ANK3: variants seen among roughly 807,000 people sequenced by gnomAD.
ANK3 encodes the protein ankyrin 3, also known as ankyrin-3.
Under a neutral mutation model 370.9 loss-of-function variants are expected in ANK3, and 57 were observed. The ratio of observed to expected loss-of-function variants is 0.15; its 90% CI spans 0.12 to 0.19. The LOEUF is 0.19. Among genes scored for constraint, ANK3 ranks in the 10% least tolerant of loss-of-function variants. ANK3 has a pLI of 1.00. For missense variants in ANK3, 4,439 were observed against 5,302.1 expected, an observed-to-expected ratio of 0.84 and a Z score of 5.06; for synonymous variants, 1,929 against 1,946.3, an observed-to-expected ratio of 0.99 and a Z score of 0.23.
chr10:60,212,930 T>C (rs1009021540), intron 9 of ANK3, among the ~76,000 whole-genome samples: 2 of 152,156 alleles, frequency 1.3e-5, no homozygotes, highest in African/African-American at 2.4e-5. Flanking sequence ...CATCATGTGT[T>C]CCTTTCAGCT....
intron 2 of ANK3, among the ~76,000 whole-genome samples, chr10:60,416,990 G>C (rs1201151542): frequency 6.6e-6 from 1 of 152,176 alleles, no homozygotes; most frequent in Non-Finnish European, 1.5e-5. Context: ...AAGACTTGGA[G>C]AATGAGTCTA....
At chr10:60,296,248 A>G (rs1400143236) in intron 1 of ANK3, among the ~76,000 whole-genome samples, 1 of 152,246 alleles carries the variant, frequency 6.6e-6, no homozygotes, top group Non-Finnish European at 1.5e-5. Flanking sequence ...TCCCCAGTGG[A>G]TGACACTGTC....
intron 7 of ANK3, 110 bp from the exon 8 acceptor site, chr10:60,234,896 T>TC: frequency 1.4e-6 from 1 of 691,708 alleles, no homozygotes; most frequent in Non-Finnish European, 2.6e-6. Context: ...TTTCTAAACA[T>TC]CCTTTATGAA....
rs1017637619 is a variant in ANK3 at position 60,514,219 on chromosome 10, G to A, written c.96+100967C>T. On this transcript the variant is annotated intron_variant, in intron 2 of 43. Coordinates refer to the ANK3 transcript ENST00000373827. ...TCAACAGTAGGCTATTAGTAGTTAA[G>A]TTTTGGGGAAGTCAAATTATACACA... Among the ~76,000 whole-genome samples the A allele has an allele frequency of 2.0e-5, 3 of 152,256 alleles. No homozygotes were observed. The East Asian group carries it at 5.8e-4, about 29-fold the overall frequency.
In ANK3 at chr10:60,086,829, A is replaced by G. The variant is rs2086795060; in HGVS notation, c.3596T>C (p.Phe1199Ser). Residue 1199 changes from phenylalanine (F) to serine (S), a missense_variant, in exon 30 of 44, where the codon TTT (phenylalanine) becomes TCT (serine). Physicochemically the swap from Phe to Ser is radical, Grantham distance 155 (BLOSUM62 -2). This residue lies in a region of ANK3 where 702 missense variants were observed against 941.5 expected (regional missense o/e 0.75). Coordinates refer to ENST00000280772, the MANE Select transcript of ANK3 (RefSeq NM_020987.5). ...VKKILGNKAT[F>S]SPIVTVEPRR... Reference sequence around the variant, plus strand: ...TGGTTCCACAGTGACAATTGGGCTAAAAGTTGCTTTGTTTCCAAGGATCTT... The same window carrying G: ...TGGTTCCACAGTGACAATTGGGCTAGAAGTTGCTTTGTTTCCAAGGATCTT... 1 of 1,613,752 alleles carries G rather than the reference A, an allele frequency of 6.2e-7. No individual in the cohort carries two copies. The highest frequency in any genetic ancestry group is 1.3e-5 in the African/African-American group (1 of 74,812).
At chr10:60,454,784 A>G (rs1444534526) in intron 2 of ANK3, among the ~76,000 whole-genome samples, 5 of 152,162 alleles carry the variant, frequency 3.3e-5, no homozygotes, top group Admixed American at 1.3e-4. Flanking sequence ...TGAAGCGCTA[A>G]TTGAATGGGT....
intron 9 of ANK3, 76 bp downstream of exon 9, chr10:60,213,336 T>C: frequency 1.0e-6 from 1 of 967,256 alleles, no homozygotes. Flanking sequence ...TCATTTTCTA[T>C]GTGATTCAAA....
intron 40 of ANK3, chr10:60,062,795 T>C (rs1265462292): frequency 1.6e-5 from 3 of 185,748 alleles, no homozygotes; most frequent in African/African-American, 7.1e-5. Context: ...AGGGTTAATA[T>C]AAAAATTAAA....
chr10:60,425,897 A>G (rs917082281), intron 2 of ANK3, among the ~76,000 whole-genome samples: 1 of 152,040 alleles, frequency 6.6e-6, no homozygotes, highest in African/African-American at 2.4e-5. Context: ...GCCAATTACC[A>G]CGGGACCTTG....
chr10:60,400,194 G>A (rs2063326895), intron 2 of ANK3, among the ~76,000 whole-genome samples: 1 of 152,126 alleles, frequency 6.6e-6, no homozygotes, highest in South Asian at 2.1e-4. Context: ...TCTTCAGTCA[G>A]ACTGGTGAGA....
At chr10:60,410,156 T>C (rs1168716083) in intron 2 of ANK3, among the ~76,000 whole-genome samples, 1 of 152,102 alleles carries the variant, frequency 6.6e-6, no homozygotes, top group Non-Finnish European at 1.5e-5. Context: ...AGGCCAGGTG[T>C]GGTGGCTCAT....
chr10:60,574,080 G>A (rs1009111392), intron 2 of ANK3, among the ~76,000 whole-genome samples: 1 of 152,156 alleles, frequency 6.6e-6, no homozygotes, highest in Non-Finnish European at 1.5e-5. Context: ...TTGAGGACAT[G>A]ACGCTAAAAT....
At chr10:60,411,590 C>G (rs9804353) in intron 2 of ANK3, among the ~76,000 whole-genome samples, 12,760 of 152,138 alleles carry the variant, frequency 0.084, 1,585 homozygotes, top group African/African-American at 0.27. Flanking sequence ...GCAGGTACCT[C>G]TGTGCCCCTC....
At chr10:60,513,653 C>A (rs1300775294) in intron 2 of ANK3, among the ~76,000 whole-genome samples, 3 of 152,074 alleles carry the variant, frequency 2.0e-5, no homozygotes, top group African/African-American at 4.8e-5. Flanking sequence ...CCTAAATATA[C>A]TGTACTGTTT....
chr10:60,309,082 AG>A (rs1302264366), intron 1 of ANK3, among the ~76,000 whole-genome samples: 1 of 152,224 alleles, frequency 6.6e-6, no homozygotes, highest in Admixed American at 6.5e-5. Flanking sequence ...AAGATACAAA[AG>A]AATAAATCAT....
intron 32 of ANK3, 52 bp downstream of exon 32, chr10:60,084,550 C>T (rs76589554): frequency 0.068 from 98,731 of 1,441,876 alleles, 3,994 homozygotes; most frequent in South Asian, 0.14. Flanking sequence ...CAAAATAAAA[C>T]CTCATATCTG....
At chr10:60,345,240 C>T (rs2055178192) in intron 1 of ANK3, among the ~76,000 whole-genome samples, 1 of 152,146 alleles carries the variant, frequency 6.6e-6, no homozygotes, top group Non-Finnish European at 1.5e-5. Flanking sequence ...TGAAATATTA[C>T]CTCCCAGCAC....
At chr10:60,502,836 G>GGAA (rs2075838932) in intron 2 of ANK3, among the ~76,000 whole-genome samples, 1 of 98,882 alleles carries the variant, frequency 1.0e-5, no homozygotes, top group African/African-American at 3.8e-5. Context: ...GAAAGAAGGA[G>GGAA]TAAGAGAAAG....
chr10:60,169,364 GTTTTT>G (rs71015773), intron 21 of ANK3, among the ~76,000 whole-genome samples: 2 of 51,896 alleles, frequency 3.9e-5, no homozygotes, highest in African/African-American at 7.4e-5. Flanking sequence ...TTGTCTCATA[GTTTTT>G]TTTTTTTTTT....
Sources: allele counts gnomAD v4.1 joint callset (sites outside exome capture counted in the v4.1 genomes callset), GRCh38; gene constraint gnomAD v4.1.1; regional missense constraint gnomAD v4.1.1; transcripts MANE v1.5; gene names NCBI Gene and HGNC (gene_info 2026-07-23, HGNC 2026-07-21).